Variants in MANBAL observed in about 807,000 individuals in gnomAD.
MANBAL encodes the protein mannosidase beta like.
Under a neutral mutation model 6.4 loss-of-function variants are expected in MANBAL, and 1 was observed. The observed-to-expected ratio is 0.16, with a 90% CI of 0.06 to 0.74. The LOEUF (loss-of-function observed/expected upper bound fraction) is 0.74. MANBAL is among the 30% of genes least tolerant of loss of function. The pLI, the probability that MANBAL is intolerant of heterozygous loss-of-function variation, is 0.78. For missense variants in MANBAL, 100 were observed against 107.8 expected (o/e 0.93, Z 0.32); for synonymous variants, 47 against 45.8 (o/e 1.03, Z -0.10).
intron 2 of MANBAL, among the ~76,000 whole-genome samples, chr20:37,315,930 C>T (rs899774489): frequency 2.6e-5 from 4 of 152,260 alleles, no homozygotes; most frequent in Non-Finnish European, 5.9e-5. Context: ...GTGCTTTCCA[C>T]GTAGTTTTGC....
intron 1 of MANBAL, among the ~76,000 whole-genome samples, chr20:37,295,651 G>C (rs1175978698): frequency 6.6e-6 from 1 of 152,186 alleles, no homozygotes; most frequent in Non-Finnish European, 1.5e-5. Flanking sequence ...TTATCAGCCA[G>C]GTTATCCCTG....
At chr20:37,294,647 TTTC>T (rs2068950827) in intron 1 of MANBAL, among the ~76,000 whole-genome samples, 1 of 152,264 alleles carries the variant, frequency 6.6e-6, no homozygotes. Flanking sequence ...CTTCCTTTGC[TTTC>T]TTCTTTCCTC....
At chr20:37,301,997 C>T (rs779140118) in intron 2 of MANBAL, among the ~76,000 whole-genome samples, 8 of 152,186 alleles carry the variant, frequency 5.3e-5, no homozygotes, top group Non-Finnish European at 7.4e-5. Flanking sequence ...ATGAGTGGTG[C>T]AGCCAGAGGT....
intron 1 of MANBAL, among the ~76,000 whole-genome samples, chr20:37,295,597 C>T (rs1216658110): frequency 6.6e-6 from 1 of 152,216 alleles, no homozygotes; most frequent in Non-Finnish European, 1.5e-5. Context: ...GGTAAGCGCC[C>T]TGACTCTGGG....
chr20:37,312,018 T>C (rs775478245), intron 2 of MANBAL, among the ~76,000 whole-genome samples: 33 of 152,146 alleles, frequency 2.2e-4, no homozygotes, highest in Non-Finnish European at 4.6e-4. Flanking sequence ...GGTTGGATGC[T>C]GAGAACTCAT....
chr20:37,301,149 TA>T, intron 1 of MANBAL, 58 bp from the exon 2 acceptor site: 1 of 997,200 alleles, frequency 1.0e-6, no homozygotes, highest in Non-Finnish European at 1.3e-6. Context: ...AATAAATAAA[TA>T]AATAAATAAA....
intron 2 of MANBAL, among the ~76,000 whole-genome samples, chr20:37,315,859 T>G (rs945482961): frequency 4.6e-5 from 7 of 152,210 alleles, no homozygotes; most frequent in African/African-American, 1.7e-4. Flanking sequence ...TCGCCCACAT[T>G]TTGTCCAGTC....
chr20:37,302,641 C>G (rs2069164451), intron 2 of MANBAL, among the ~76,000 whole-genome samples: 1 of 152,166 alleles, frequency 6.6e-6, no homozygotes, highest in South Asian at 2.1e-4. Flanking sequence ...ATGCTTGGTT[C>G]TTTCCCTTTA....
chr20:37,293,550 G>C (rs1484746300), intron 1 of MANBAL, among the ~76,000 whole-genome samples: 9 of 152,140 alleles, frequency 5.9e-5, no homozygotes, highest in Admixed American at 5.9e-4. Context: ...TGTGCGGCCT[G>C]GTTCCTAACA....
Position 37,316,365 on chromosome 20 carries a change from G to C in MANBAL, c.208G>C (p.Val70Leu), listed in dbSNP as rs561944313. The C allele has an allele frequency of 2.5e-6, 4 of 1,613,956 alleles. No individual in the cohort carries two copies. In the Admixed American group the frequency reaches 6.7e-5, roughly 27 times the overall value. The change falls in exon 3 of 3, where the codon GTT (valine) becomes CTT (leucine). Residue 70 changes from valine to leucine, a missense_variant. Val to Leu is a conservative substitution (Grantham distance 32, BLOSUM62 1). Coordinates refer to ENST00000373606, the MANE Select transcript of MANBAL (RefSeq NM_001003897.2). ...GGTGACGAGGAAGCCCAAGGCTGCTGTTCCTTCTGTGAACAAGAGGCCCAA... is the reference window on the plus strand; with the variant it reads ...GGTGACGAGGAAGCCCAAGGCTGCTCTTCCTTCTGTGAACAAGAGGCCCAA... ...AEVTRKPKAA[V>L]PSVNKRPKKE...
intron 1 of MANBAL, among the ~76,000 whole-genome samples, chr20:37,291,645 G>C (rs1340999158): frequency 6.6e-6 from 1 of 152,172 alleles, no homozygotes; most frequent in Non-Finnish European, 1.5e-5. Context: ...ATCTCATCTT[G>C]AATTGTAGCT....
At position 37,316,783 on chromosome 20, in the gene MANBAL, C is replaced by A; in HGVS notation, c.*368C>A. The A allele has an allele frequency of 5.1e-6, 1 of 196,090 alleles. No individual in the cohort carries two copies. The highest frequency in any genetic ancestry group is 1.0e-5 in the Non-Finnish European group (1 of 96,198). The allele number at this position is 196,090 out of a possible 1,614,324, so 12.1% of individuals were successfully genotyped here. A position where few individuals can be genotyped will look rare whatever the true frequency, so the allele number is the denominator to read the frequency against. ...TTACACTACATTTGGGAGTCATTGT[C>A]TAATGCTGACAAGCACACCCTCTCC... On this transcript the variant is annotated 3_prime_UTR_variant, in exon 3 of 3. Transcript: ENST00000373606.
intron 2 of MANBAL, among the ~76,000 whole-genome samples, chr20:37,310,607 A>T (rs934761214): frequency 2.0e-5 from 3 of 152,328 alleles, no homozygotes; most frequent in Non-Finnish European, 4.4e-5. Context: ...TGCACTTTTC[A>T]TGCTGGAAGG....
chr20:37,293,481 G>A (rs923229726), intron 1 of MANBAL, among the ~76,000 whole-genome samples: 2 of 152,160 alleles, frequency 1.3e-5, no homozygotes, highest in Non-Finnish European at 2.9e-5. Context: ...TGTGAGTGAT[G>A]GGGAGCGGCT....
chr20:37,307,602 C>T (rs748380908), intron 2 of MANBAL, among the ~76,000 whole-genome samples: 63 of 151,984 alleles, frequency 4.1e-4, no homozygotes, highest in Non-Finnish European at 7.5e-4. Context: ...ACTAAAAATG[C>T]AAAAACTAGC....
chr20:37,300,593 A>C (rs749626861), intron 1 of MANBAL, among the ~76,000 whole-genome samples: 1 of 152,238 alleles, frequency 6.6e-6, no homozygotes, highest in African/African-American at 2.4e-5. Context: ...GGATGACTAC[A>C]TGAATAAATA....
At chr20:37,304,003 A>G (rs1446783794) in intron 2 of MANBAL, among the ~76,000 whole-genome samples, 1 of 152,228 alleles carries the variant, frequency 6.6e-6, no homozygotes, top group Non-Finnish European at 1.5e-5. Context: ...CCAACCTTGC[A>G]AGCATGCTTC....
chr20:37,316,494 C>G lies in MANBAL; in HGVS notation c.*79C>G. ...TCCTGGGAATCTACATTGTGTTCCC[C>G]CGCATTCCAGGCTCAGGGTCTGAGG... On this transcript the variant is annotated 3_prime_UTR_variant, in exon 3 of 3. Coordinates refer to ENST00000373606, the MANE Select transcript of MANBAL (RefSeq NM_001003897.2). 7.8e-7 allele frequency: 1 copy of G among 1,287,816 alleles called. No individual in the cohort carries two copies. The highest frequency in any genetic ancestry group is 1.1e-6 in the Non-Finnish European group (1 of 919,174). 79.8% of individuals were successfully genotyped at this position (1,287,816 alleles called of 1,614,324 possible).
At chr20:37,297,714 C>T (rs2069030421) in intron 1 of MANBAL, among the ~76,000 whole-genome samples, 1 of 151,594 alleles carries the variant, frequency 6.6e-6, no homozygotes, top group Non-Finnish European at 1.5e-5. Context: ...GTGATCTCGG[C>T]CCACTGCAAC....
Sources: gnomAD v4.1 joint callset for allele counts (sites outside exome capture counted in the v4.1 genomes callset) on GRCh38, gnomAD v4.1.1 for gene constraint, MANE v1.5 for transcripts, NCBI Gene and HGNC (gene_info 2026-07-23, HGNC 2026-07-21) for gene names.